HPCAL1: variants seen among roughly 807,000 people sequenced by gnomAD.
The protein encoded by HPCAL1 is hippocalcin like 1, also known as hippocalcin-like protein 1.
HPCAL1 carries 8 observed loss-of-function variants against 17.1 expected under a neutral mutation model. That is an observed-to-expected ratio of 0.47 (90% CI 0.27 to 0.84). HPCAL1 has a LOEUF of 0.84. HPCAL1 is among the 40% of genes least tolerant of loss of function. The probability of loss-of-function intolerance (pLI) is 0.13; values close to 1 mark genes in which losing one functional copy is unlikely to be tolerated. For missense variants in HPCAL1, 165 were observed against 271.1 expected, an observed-to-expected ratio of 0.61 and a Z score of 2.75; for synonymous variants, 112 against 111.4, an observed-to-expected ratio of 1.01 and a Z score of -0.03.
chr2:10,367,317 C>A lies in HPCAL1; in HGVS notation c.-110-29518C>A, dbSNP rs190913414. 6.6e-6 allele frequency among the ~76,000 whole-genome samples: 1 copy of A among 151,968 alleles called. No individual in the cohort carries two copies. The highest frequency in any genetic ancestry group is 1.5e-5 in the Non-Finnish European group (1 of 68,000). ...TGTTGTTGTTGTTTTGAGACAGAGT[C>A]TTGCTCTGTCACCCAGGCTAGAGTG... is the stretch of plus-strand genomic sequence containing the variant. On this transcript the variant is annotated intron_variant, in intron 1 of 4. Transcript: ENST00000307845. This position sits in a 1 kb window ranked among gnomAD's most constrained non-coding sequence, Gnocchi z 4.4.
intron 1 of HPCAL1, among the ~76,000 whole-genome samples, chr2:10,346,050 GTGTA>G (rs1228319970): frequency 6.6e-6 from 1 of 152,148 alleles, no homozygotes; most frequent in Non-Finnish European, 1.5e-5. Context: ...GTGTGTGTCT[GTGTA>G]TGTGTGAGAG....
intron 1 of HPCAL1, among the ~76,000 whole-genome samples, chr2:10,390,896 C>T (rs961062063): frequency 2.0e-5 from 3 of 152,186 alleles, no homozygotes; most frequent in African/African-American, 2.4e-5. Flanking sequence ...TGGAGTTGAG[C>T]GGAGAGTTCC....
intron 1 of HPCAL1, among the ~76,000 whole-genome samples, chr2:10,332,230 C>T (rs766627491): frequency 5.3e-5 from 8 of 152,370 alleles, no homozygotes; most frequent in Non-Finnish European, 1.0e-4. Context: ...TCTCTCCACC[C>T]ACCCATGATC....
chr2:10,374,346 G>A (rs891537455), intron 1 of HPCAL1, among the ~76,000 whole-genome samples: 3 of 150,002 alleles, frequency 2.0e-5, no homozygotes, highest in Non-Finnish European at 4.4e-5. Flanking sequence ...TTCTCACACA[G>A]TCACACACAG....
At chr2:10,381,052 G>A (rs1040339333) in intron 1 of HPCAL1, among the ~76,000 whole-genome samples, 12 of 152,228 alleles carry the variant, frequency 7.9e-5, no homozygotes, top group African/African-American at 2.7e-4. Flanking sequence ...TGGGACCTCT[G>A]GATCAGTGCT....
chr2:10,346,145 CAG>C (rs748674246), intron 1 of HPCAL1, among the ~76,000 whole-genome samples: 97 of 152,222 alleles, frequency 6.4e-4, no homozygotes, highest in Admixed American at 1.6e-3. Context: ...CTTGGTCCAT[CAG>C]GGGCTGGTGG....
rs1004402140 is a variant in HPCAL1 at position 10,419,542 on chromosome 2, T to C, written c.-24-192T>C. On this transcript the variant is annotated intron_variant, in intron 2 of 4. Transcript: ENST00000307845. This position sits in a 1 kb window ranked among gnomAD's most constrained non-coding sequence, Gnocchi z 5.0. ...TGTCCCGCAGTGTGAGGGTGAGCTG[T>C]CGTGATATAATTAGAGTCTCTTGGC... 2.0e-5 allele frequency among the ~76,000 whole-genome samples: 3 copies of C among 151,808 alleles called. No homozygotes were observed. The highest frequency in any genetic ancestry group is 4.4e-5 in the Non-Finnish European group (3 of 67,984).
At chr2:10,387,613 A>G (rs1026438160) in intron 1 of HPCAL1, among the ~76,000 whole-genome samples, 1 of 152,068 alleles carries the variant, frequency 6.6e-6, no homozygotes, top group Non-Finnish European at 1.5e-5. Flanking sequence ...TACGAACACA[A>G]CTTTAGAAAG....
At position 10,331,632 on chromosome 2, in the gene HPCAL1, G is replaced by A. The variant is rs1216490878; in HGVS notation, c.-111+28455G>A. ...AGCTGCACTGTGCCCGGGGTCCAGGGATGGGTGTGAGGCTGTCTGCCCCCC... is the reference window on the plus strand; with the variant it reads ...AGCTGCACTGTGCCCGGGGTCCAGGAATGGGTGTGAGGCTGTCTGCCCCCC... On this transcript the variant is annotated intron_variant, in intron 1 of 4. Transcript: ENST00000307845. This position sits in a 1 kb window ranked among gnomAD's most constrained non-coding sequence, Gnocchi z 5.0. 1.3e-5 allele frequency among the ~76,000 whole-genome samples: 2 copies of A among 152,280 alleles called. No individual in the cohort carries two copies. Among genetic ancestry groups the A allele is most frequent in the East Asian group, 3.9e-4 (2 of 5,164 alleles).
At chr2:10,316,230 T>G (rs991839240) in intron 1 of HPCAL1, among the ~76,000 whole-genome samples, 4 of 152,228 alleles carry the variant, frequency 2.6e-5, no homozygotes, top group African/African-American at 9.6e-5. Context: ...GCCCCTGCTG[T>G]TGCTTTTCAC....
chr2:10,393,860 A>T (rs1668848557), intron 1 of HPCAL1, among the ~76,000 whole-genome samples: 1 of 151,796 alleles, frequency 6.6e-6, no homozygotes. Flanking sequence ...CACACCTGTA[A>T]TCCCAGTACT....
In HPCAL1 at chr2:10,323,293, G is replaced by A. The variant is rs1558457050; in HGVS notation, c.-111+20116G>A. On this transcript the variant is annotated intron_variant, in intron 1 of 4. Coordinates refer to ENST00000307845, the MANE Select transcript of HPCAL1 (RefSeq NM_002149.4). This position sits in a 1 kb window ranked among gnomAD's most constrained non-coding sequence, Gnocchi z 4.6. ...TCAAGCTGGCTGCTCCCCTTTCTCAGTTGTCCCCTGTGCCTCTTGTACCCT... is the reference window on the plus strand; with the variant it reads ...TCAAGCTGGCTGCTCCCCTTTCTCAATTGTCCCCTGTGCCTCTTGTACCCT... 6.6e-6 allele frequency among the ~76,000 whole-genome samples: 1 copy of A among 152,210 alleles called. No individual in the cohort carries two copies. Among genetic ancestry groups the A allele is most frequent in the Non-Finnish European group, 1.5e-5 (1 of 68,050 alleles).
intron 2 of HPCAL1, among the ~76,000 whole-genome samples, 165 bp downstream of exon 2, chr2:10,397,085 C>T (rs890060460): frequency 6.6e-6 from 1 of 152,166 alleles, no homozygotes; most frequent in Non-Finnish European, 1.5e-5. Context: ...AGCTAGCACC[C>T]CTAGACAGGT....
intron 1 of HPCAL1, among the ~76,000 whole-genome samples, chr2:10,327,901 C>G (rs1664114619): frequency 1.3e-5 from 2 of 152,172 alleles, no homozygotes. Context: ...TTATGGTTAG[C>G]CCCGGATCCA....
In HPCAL1 at chr2:10,304,300, T is replaced by C. The variant is rs915098255; in HGVS notation, c.-111+1123T>C. On this transcript the variant is annotated intron_variant, in intron 1 of 4. Transcript: ENST00000307845. The surrounding 1 kb of genome is among the most constrained non-coding windows in gnomAD (Gnocchi z 4.1). ...AGTTCCTAGTCCGGGAGGATGCAGC[T>C]CAGCTCGTGGAGTCCGAGAGTCACG... Among the ~76,000 whole-genome samples, 1 of 152,232 alleles carries C rather than the reference T, an allele frequency of 6.6e-6. No individual in the cohort carries two copies. Among genetic ancestry groups the C allele is most frequent in the African/African-American group, 2.4e-5 (1 of 41,472 alleles).
chr2:10,333,330 C>A (rs1664505840), intron 1 of HPCAL1, among the ~76,000 whole-genome samples: 1 of 152,196 alleles, frequency 6.6e-6, no homozygotes, highest in Non-Finnish European at 1.5e-5. Context: ...CTCCATCTGA[C>A]CCCTGCTGTC....
At chr2:10,416,061 G>A (rs1423886683) in intron 2 of HPCAL1, among the ~76,000 whole-genome samples, 1 of 152,178 alleles carries the variant, frequency 6.6e-6, no homozygotes, top group Non-Finnish European at 1.5e-5. Context: ...CAGGTGCCAC[G>A]CAAGGCTGGT....
At chr2:10,373,909 A>T (rs1328293789) in intron 1 of HPCAL1, among the ~76,000 whole-genome samples, 1 of 152,228 alleles carries the variant, frequency 6.6e-6, no homozygotes, top group Non-Finnish European at 1.5e-5. Flanking sequence ...CAACCCGGCC[A>T]TCACAGGGGC....
rs1021506893 is a variant in HPCAL1, at chr2:10,363,757, C to A, written c.-110-33078C>A. On this transcript the variant is annotated intron_variant, in intron 1 of 4. Coordinates refer to ENST00000307845, the MANE Select transcript of HPCAL1 (RefSeq NM_002149.4). The surrounding 1 kb of genome is among the most constrained non-coding windows in gnomAD (Gnocchi z 4.7). Reference sequence around the variant, plus strand: ...GGCACGGCAAGGCTGGGGAGCCAGGCTTGTTTCGGATCTCCAGTCCTTGTG... The same window carrying A: ...GGCACGGCAAGGCTGGGGAGCCAGGATTGTTTCGGATCTCCAGTCCTTGTG... 1.3e-5 allele frequency among the ~76,000 whole-genome samples: 2 copies of A among 152,228 alleles called. No homozygotes were observed. The highest frequency in any genetic ancestry group is 4.8e-5 in the African/African-American group (2 of 41,452).
Sources: allele counts gnomAD v4.1 joint callset (sites outside exome capture counted in the v4.1 genomes callset), GRCh38; gene constraint gnomAD v4.1.1; non-coding constraint Gnocchi (gnomAD v3.1); transcripts MANE v1.5; gene names NCBI Gene and HGNC (gene_info 2026-07-23, HGNC 2026-07-21).